Variants in PCDHA2 observed in about 807,000 individuals in gnomAD.
PCDHA2 encodes the protein protocadherin alpha-2.
Under a neutral mutation model 66.0 loss-of-function variants are expected in PCDHA2, and 58 were observed. The ratio of observed to expected loss-of-function variants is 0.88; its 90% confidence interval spans 0.71 to 1.09. The LOEUF (loss-of-function observed/expected upper bound fraction) is 1.09. Among genes scored for constraint, PCDHA2 ranks in the 50% least tolerant of loss-of-function variants. The pLI is 0.00. For synonymous variants in PCDHA2, 634 were observed against 554.0 expected (o/e 1.14, Z -2.03); for missense variants, 1,267 against 1,242.3 (o/e 1.02, Z -0.30).
intron 1 of PCDHA2, among the ~76,000 whole-genome samples, chr5:140,915,626 G>GTCTCTC (rs57920489): frequency 0.011 from 1,557 of 146,506 alleles, 25 homozygotes; most frequent in African/African-American, 0.018. Flanking sequence ...GTCTCTTTCT[G>GTCTCTC]TCTCTCTCTC....
intron 3 of PCDHA2, among the ~76,000 whole-genome samples, chr5:141,006,730 C>A (rs1222445312): frequency 1.3e-5 from 2 of 151,754 alleles, no homozygotes; most frequent in African/African-American, 4.8e-5. Context: ...AATGACAGGT[C>A]TTGATGATGT....
intron 1 of PCDHA2, chr5:140,856,221 T>C (rs2043861898): frequency 1.9e-6 from 3 of 1,597,980 alleles, no homozygotes; most frequent in Non-Finnish European, 2.6e-6. Flanking sequence ...CTGGCGGAGC[T>C]GGTGCAGCGC....
chr5:140,965,954 C>A lies in PCDHA2; in HGVS notation c.2389-12995C>A, dbSNP rs567785452. Among the ~76,000 whole-genome samples the A allele has an allele frequency of 9.8e-4, 149 of 152,300 alleles. 1 individual carries two copies. The highest frequency in any genetic ancestry group is 1.7e-3 in the Non-Finnish European group (115 of 68,034). The stretch of plus-strand genomic sequence containing the variant: ...GGAAAGAGGGCAGCATTTGCCATCC[C>A]CCTCCTTTTGCCCTAGGAGTTGAGC... On this transcript the variant is annotated intron_variant, in intron 1 of 3. Coordinates refer to ENST00000526136, the MANE Select transcript of PCDHA2 (RefSeq NM_018905.3).
intron 1 of PCDHA2, chr5:140,809,518 T>C: frequency 1.2e-6 from 2 of 1,614,220 alleles, no homozygotes; most frequent in Non-Finnish European, 1.7e-6. Context: ...CCAGTTTACC[T>C]GACTCTAGGG....
chr5:140,900,644 C>G (rs1554189317), intron 1 of PCDHA2, among the ~76,000 whole-genome samples: 1 of 152,180 alleles, frequency 6.6e-6, no homozygotes. Context: ...ATTGTGAACA[C>G]TGCTGCAATG....
At chr5:140,848,041 T>C (rs1245564819) in intron 1 of PCDHA2, 2 of 159,606 alleles carry the variant, frequency 1.3e-5, no homozygotes, top group Admixed American at 5.9e-5. Context: ...CTCAATGGAA[T>C]CATTTTAATT....
chr5:141,006,356 C>T (rs1342790572), intron 3 of PCDHA2, among the ~76,000 whole-genome samples: 4 of 151,920 alleles, frequency 2.6e-5, no homozygotes, highest in South Asian at 2.1e-4. Flanking sequence ...GGACTATAGG[C>T]GCCCACCACC....
intron 1 of PCDHA2, among the ~76,000 whole-genome samples, chr5:140,897,816 G>C (rs1305259522): frequency 1.1e-4 from 16 of 152,078 alleles, no homozygotes; most frequent in Non-Finnish European, 1.9e-4. Flanking sequence ...CAGTGTAAAA[G>C]TGTTCCTATT....
At chr5:140,908,692 C>G (rs2074096551) in intron 1 of PCDHA2, among the ~76,000 whole-genome samples, 1 of 152,208 alleles carries the variant, frequency 6.6e-6, no homozygotes, top group South Asian at 2.1e-4. Context: ...CTGCCACTGA[C>G]ACCTCAAGCA....
intron 1 of PCDHA2, chr5:140,851,438 T>A (rs2042059755): frequency 1.1e-6 from 1 of 928,024 alleles, no homozygotes; most frequent in African/African-American, 1.8e-5. Flanking sequence ...AGAAAACAGT[T>A]GCTCCACTTT....
chr5:140,972,270 G>T (rs2096527606), intron 1 of PCDHA2, among the ~76,000 whole-genome samples: 2 of 151,190 alleles, frequency 1.3e-5, no homozygotes, highest in African/African-American at 4.9e-5. Context: ...CTCCTGAGTA[G>T]CTTGGACCAT....
At chr5:140,842,886 C>A in intron 1 of PCDHA2, 1 of 1,594,202 alleles carries the variant, frequency 6.3e-7, no homozygotes, top group East Asian at 2.2e-5. Context: ...GCGCTGCAGC[C>A]GCTGGACCAC....
intron 1 of PCDHA2, chr5:140,966,508 A>G (rs1288054154): frequency 9.2e-6 from 4 of 434,452 alleles, no homozygotes; most frequent in African/African-American, 4.1e-5. Context: ...TAGCGGCAGC[A>G]GCAGCAGGAA....
Position 140,796,394 on chromosome 5 carries a change from T to C in PCDHA2, c.1430T>C (p.Val477Ala). The C allele has an allele frequency of 6.2e-7, 1 of 1,613,518 alleles. No homozygotes were observed. Among genetic ancestry groups the C allele is most frequent in the Admixed American group, 1.7e-5 (1 of 59,964 alleles). Residue 477 changes from valine to alanine, a missense_variant, in exon 1 of 4, where the codon GTG becomes GCG. By Grantham distance (64) the Val-to-Ala change is moderately conservative. Coordinates refer to ENST00000526136, the MANE Select transcript of PCDHA2 (RefSeq NM_018905.3). Reference sequence around the variant, plus strand: ...CCGCCGGGCTGCCACATCTTCACGGTGTCAGCGTGGGATGCGGACGCGCAG... The same window carrying C: ...CCGCCGGGCTGCCACATCTTCACGGCGTCAGCGTGGGATGCGGACGCGCAG... ...NNPPGCHIFT[V>A]SAWDADAQEN...
chr5:140,984,386 A>G (rs2097099955), intron 3 of PCDHA2, among the ~76,000 whole-genome samples: 1 of 152,202 alleles, frequency 6.6e-6, no homozygotes, highest in South Asian at 2.1e-4. Flanking sequence ...TTCAGATTCA[A>G]AAAATGTTGA....
chr5:140,995,674 A>AT (rs1240189428), intron 3 of PCDHA2, among the ~76,000 whole-genome samples: 2 of 152,112 alleles, frequency 1.3e-5, no homozygotes, highest in South Asian at 2.1e-4. Context: ...TAAATGCAGC[A>AT]TTTTTTTTAA....
At chr5:140,859,755 T>C (rs1554152701) in intron 1 of PCDHA2, 1 of 153,726 alleles carries the variant, frequency 6.5e-6, no homozygotes, top group African/African-American at 2.4e-5. Flanking sequence ...TCTTTCAGTG[T>C]TAATACTCTC....
chr5:140,929,717 A>G (rs1408315390), intron 1 of PCDHA2: 1 of 229,936 alleles, frequency 4.3e-6, no homozygotes, highest in Non-Finnish European at 9.0e-6. Flanking sequence ...ATGGAAGGTG[A>G]AACATTTACT....
intron 1 of PCDHA2, among the ~76,000 whole-genome samples, chr5:140,966,049 A>AC (rs2095962296): frequency 6.6e-6 from 1 of 152,102 alleles, no homozygotes; most frequent in African/African-American, 2.4e-5. Context: ...ATCGCCAGTA[A>AC]CCCCAGAGCG....
Sources: gnomAD v4.1 joint callset for allele counts (sites outside exome capture counted in the v4.1 genomes callset) on GRCh38, gnomAD v4.1.1 for gene constraint, MANE v1.5 for transcripts, NCBI Gene and HGNC (gene_info 2026-07-23, HGNC 2026-07-21) for gene names.